Variants in SPOCK3 observed in about 807,000 individuals in gnomAD.
SPOCK3 encodes testican-3.
Under a neutral mutation model 56.6 loss-of-function variants are expected in SPOCK3, and 30 were observed. The observed-to-expected ratio is 0.53, with a 90% CI of 0.40 to 0.72. The LOEUF is 0.72. SPOCK3 is among the 30% of genes least tolerant of loss of function. SPOCK3 has a pLI of 0.00. For missense variants in SPOCK3, 527 were observed against 530.0 expected (o/e 0.99, Z 0.06); for synonymous variants, 196 against 183.3 (o/e 1.07, Z -0.56).
intron 6 of SPOCK3, among the ~76,000 whole-genome samples, chr4:166,832,002 A>C (rs1160225425): frequency 2.0e-5 from 3 of 151,900 alleles, no homozygotes; most frequent in Non-Finnish European, 4.4e-5. Context: ...TCAGATATAT[A>C]GTTTGCAAAT....
intron 6 of SPOCK3, among the ~76,000 whole-genome samples, chr4:166,863,203 G>A (rs539429728): frequency 2.0e-5 from 3 of 152,118 alleles, no homozygotes; most frequent in African/African-American, 7.2e-5. Context: ...TTACAGACAA[G>A]CAAATGCTGA....
chr4:166,861,726 T>C (rs1376193425), intron 6 of SPOCK3, among the ~76,000 whole-genome samples: 1 of 152,092 alleles, frequency 6.6e-6, no homozygotes, highest in Admixed American at 6.6e-5. Flanking sequence ...CCTAAGAGCC[T>C]GATTAGACAT....
At chr4:167,155,260 C>T (rs1270459501) in intron 2 of SPOCK3, among the ~76,000 whole-genome samples, 9 of 151,894 alleles carry the variant, frequency 5.9e-5, no homozygotes, top group Non-Finnish European at 1.0e-4. Context: ...GGATTACAGG[C>T]ACTCCGCCAC....
At chr4:166,769,639 A>T (rs1476525131) in intron 7 of SPOCK3, among the ~76,000 whole-genome samples, 2 of 152,058 alleles carry the variant, frequency 1.3e-5, no homozygotes, top group Non-Finnish European at 2.9e-5. Context: ...GGGGTCAGGG[A>T]CCCACTTGAG....
At chr4:166,755,339 G>A (rs775998723) in intron 7 of SPOCK3, among the ~76,000 whole-genome samples, 35 of 152,168 alleles carry the variant, frequency 2.3e-4, no homozygotes, top group African/African-American at 3.6e-4. Flanking sequence ...GTTATTATGA[G>A]AGGCCAGATG....
intron 2 of SPOCK3, among the ~76,000 whole-genome samples, chr4:167,082,674 G>A (rs756041589): frequency 6.8e-6 from 1 of 146,770 alleles, no homozygotes; most frequent in Non-Finnish European, 1.5e-5. Flanking sequence ...AGCCTTCCTT[G>A]ATCTTTGTTC....
intron 2 of SPOCK3, among the ~76,000 whole-genome samples, chr4:167,158,327 C>T (rs910134215): frequency 2.0e-5 from 3 of 151,890 alleles, no homozygotes; most frequent in Non-Finnish European, 4.4e-5. Context: ...CGGTTTTAAA[C>T]ATAATTATTT....
At chr4:167,041,502 C>T (rs1289823028) in intron 3 of SPOCK3, among the ~76,000 whole-genome samples, 1 of 151,960 alleles carries the variant, frequency 6.6e-6, no homozygotes, top group African/African-American at 2.4e-5. Context: ...CAAATCAAAC[C>T]CTAAATTATT....
At chr4:167,119,979 G>A (rs567753170) in intron 2 of SPOCK3, 35 of 638,770 alleles carry the variant, frequency 5.5e-5, no homozygotes, top group South Asian at 1.7e-4. Flanking sequence ...TGGGTAAATC[G>A]CTTCCACTGA....
intron 2 of SPOCK3, among the ~76,000 whole-genome samples, chr4:167,111,260 G>T (rs1760877688): frequency 6.6e-6 from 1 of 152,042 alleles, no homozygotes; most frequent in Non-Finnish European, 1.5e-5. Context: ...ATGCAAGTAA[G>T]ATCATTAAGA....
chr4:167,058,616 C>A (rs550946227), intron 3 of SPOCK3, among the ~76,000 whole-genome samples: 11 of 152,178 alleles, frequency 7.2e-5, no homozygotes, highest in South Asian at 4.1e-4. Flanking sequence ...CATCAAGCTA[C>A]CAATGACTTT....
chr4:166,843,042 C>A (rs776388198), intron 6 of SPOCK3, among the ~76,000 whole-genome samples: 13 of 152,208 alleles, frequency 8.5e-5, no homozygotes, highest in African/African-American at 2.9e-4. Context: ...GGGGGCCTGG[C>A]GCACCCTCCG....
chr4:167,218,779 C>G (rs1205550068), intron 2 of SPOCK3, among the ~76,000 whole-genome samples: 1 of 151,996 alleles, frequency 6.6e-6, no homozygotes, highest in Non-Finnish European at 1.5e-5. Context: ...ACTTTAAATT[C>G]TGAAATAAAC....
intron 4 of SPOCK3, among the ~76,000 whole-genome samples, chr4:166,917,591 G>A (rs1487746739): frequency 6.6e-6 from 1 of 152,068 alleles, no homozygotes; most frequent in Non-Finnish European, 1.5e-5. Flanking sequence ...AATTTATTTA[G>A]TTTATAACTG....
chr4:166,912,575 G>C (rs779153843), intron 5 of SPOCK3, 45 bp downstream of exon 5: 16 of 1,576,158 alleles, frequency 1.0e-5, no homozygotes, highest in South Asian at 7.8e-5. Context: ...TTACTAATAA[G>C]TATGCATCCC....
intron 3 of SPOCK3, among the ~76,000 whole-genome samples, chr4:167,034,859 G>A (rs1012177772): frequency 6.6e-6 from 1 of 152,172 alleles, no homozygotes; most frequent in African/African-American, 2.4e-5. Context: ...AAATATAAAA[G>A]TAATTTATCT....
intron 2 of SPOCK3, among the ~76,000 whole-genome samples, chr4:167,186,366 G>T (rs766076716): frequency 6.6e-6 from 1 of 152,054 alleles, no homozygotes; most frequent in South Asian, 2.1e-4. Context: ...GGTGTTTCAC[G>T]CCTGTTAATC....
At chr4:166,831,070 A>G (rs1437111973) in intron 6 of SPOCK3, among the ~76,000 whole-genome samples, 3 of 152,196 alleles carry the variant, frequency 2.0e-5, no homozygotes, top group Non-Finnish European at 4.4e-5. Context: ...CAAACTAGCA[A>G]AATATCAAAA....
At chr4:166,770,003 TCTC>T (rs1184975981) in intron 7 of SPOCK3, among the ~76,000 whole-genome samples, 1 of 152,058 alleles carries the variant, frequency 6.6e-6, no homozygotes, top group South Asian at 2.1e-4. Flanking sequence ...CGGGATATAA[TCTC>T]CTGGTGTGCC....
Sources: gnomAD v4.1 joint callset for allele counts (sites outside exome capture counted in the v4.1 genomes callset) on GRCh38, gnomAD v4.1.1 for gene constraint, MANE v1.5 for transcripts, NCBI Gene and HGNC (gene_info 2026-07-23, HGNC 2026-07-21) for gene names.